Variants in BPHL observed in about 807,000 individuals in gnomAD.
The protein encoded by BPHL is biphenyl hydrolase like.
Under a neutral mutation model 31.2 loss-of-function variants are expected in BPHL, and 27 were observed. The observed-to-expected ratio is 0.87, with a 90% CI of 0.64 to 1.19. BPHL has a LOEUF of 1.19. Among genes scored for constraint, BPHL ranks in the 50% most tolerant of loss-of-function variants. The pLI is 0.00. For synonymous variants in BPHL, 150 were observed against 146.8 expected (o/e 1.02, Z -0.16); for missense variants, 356 against 375.7 (o/e 0.95, Z 0.43).
At position 3,152,462 on chromosome 6, in the gene BPHL, C is replaced by T. The variant is rs761511908; in HGVS notation, c.789-26C>T. 23 of 1,608,620 alleles carry T rather than the reference C, an allele frequency of 1.4e-5. No homozygotes were observed. The East Asian group carries it at 2.7e-4, about 19-fold the overall frequency. ...GTTCTTAAGTGGTGGGCCATTGACC[C>T]AAAGTATTTTTAATTCCTTTTTTAG... On this transcript the variant is annotated intron_variant, in intron 6 of 6. Transcript: ENST00000380379.
chr6:3,118,540 G>A, upstream of BPHL: 3 of 399,134 alleles, frequency 7.5e-6, no homozygotes, highest in East Asian at 1.1e-4. Context: ...TTCCAGGACT[G>A]CGAAACCACG....
At position 3,140,325 on chromosome 6, in the gene BPHL, C is replaced by T; in HGVS notation, c.665-61C>T. The stretch of plus-strand genomic sequence containing the variant: ...AGGGGCAGGGCTCGCCGAGTTTCGC[C>T]TCCTCTGACCGCGTAGAATGGTTGC... On this transcript the variant is annotated intron_variant, in intron 5 of 6. Coordinates refer to ENST00000380379, the MANE Select transcript of BPHL (RefSeq NM_004332.4). The surrounding 1 kb of genome is among the most constrained non-coding windows in gnomAD (Gnocchi z 5.2). 1.3e-6 allele frequency: 2 copies of T among 1,588,044 alleles called. No homozygotes were observed. The highest frequency in any genetic ancestry group is 1.7e-5 in the Admixed American group (1 of 58,038).
intron 4 of BPHL, among the ~76,000 whole-genome samples, chr6:3,133,736 T>C (rs938028307): frequency 1.3e-5 from 2 of 152,230 alleles, no homozygotes; most frequent in African/African-American, 4.8e-5. Flanking sequence ...CGCCACCCCG[T>C]GTCCACTGCC....
chr6:3,146,575 G>T (rs1276137450), intron 6 of BPHL, among the ~76,000 whole-genome samples: 1 of 81,960 alleles, frequency 1.2e-5, no homozygotes, highest in Non-Finnish European at 2.3e-5. Context: ...CTGGTTCGGG[G>T]TGGAGTACTG....
At chr6:3,136,961 G>A (rs1561794947) in intron 4 of BPHL, among the ~76,000 whole-genome samples, 4 of 152,156 alleles carry the variant, frequency 2.6e-5, no homozygotes, top group Admixed American at 1.3e-4. Flanking sequence ...AAACATTGTC[G>A]CTCTTCCTCA....
chr6:3,126,068 C>G (rs1348952390), intron 2 of BPHL, among the ~76,000 whole-genome samples: 3 of 152,184 alleles, frequency 2.0e-5, no homozygotes, highest in Admixed American at 2.0e-4. Context: ...GCCAAGCTCC[C>G]TGCAGGCCCA....
intron 1 of BPHL, chr6:3,119,152 C>A (rs1375571127): frequency 2.4e-6 from 2 of 818,204 alleles, no homozygotes; most frequent in Non-Finnish European, 3.9e-6. Context: ...CAGGGAGATA[C>A]ATTTGCCTGT....
intron 6 of BPHL, among the ~76,000 whole-genome samples, chr6:3,145,969 C>T (rs143749471): frequency 0.03 from 1,406 of 46,470 alleles, 379 homozygotes; most frequent in African/African-American, 0.12. Context: ...TGGTTTGGGT[C>T]GGAGTGCTGG....
chr6:3,137,496 A>G lies in BPHL; in HGVS notation c.664+3A>G, dbSNP rs1189114293. On this transcript the variant is annotated splice_donor_region_variant and intron_variant, in intron 5 of 6. Coordinates refer to ENST00000380379, the MANE Select transcript of BPHL (RefSeq NM_004332.4). Reference sequence around the variant, plus strand: ...ACAGTTTAAACATCTCCCAGATGGTAGGTTACTGGGCTTGAAGGGCTCTCT... The same window carrying G: ...ACAGTTTAAACATCTCCCAGATGGTGGGTTACTGGGCTTGAAGGGCTCTCT... 2 of 1,613,600 alleles carry G rather than the reference A, an allele frequency of 1.2e-6. No individual in the cohort carries two copies. Among genetic ancestry groups the G allele is most frequent in the East Asian group, 2.2e-5 (1 of 44,882 alleles).
At chr6:3,128,704 A>G (rs1451226049) in intron 3 of BPHL, among the ~76,000 whole-genome samples, 1 of 152,232 alleles carries the variant, frequency 6.6e-6, no homozygotes, top group Non-Finnish European at 1.5e-5. Context: ...AGGCATGCAT[A>G]TGCACACACG....
chr6:3,146,196 CGGGGTGGAGTGCTGGTGT>C lies in BPHL; in HGVS notation c.788+5691_788+5708del, dbSNP rs1373476443. 9.2e-4 allele frequency among the ~76,000 whole-genome samples: 23 copies of C among 24,976 alleles called. 2 individuals are homozygous for C. Among genetic ancestry groups the C allele is most frequent in the African/African-American group, 7.3e-3 (21 of 2,870 alleles). 16.4% of individuals were successfully genotyped at this position (24,976 alleles called of 152,430 possible). A position where few individuals can be genotyped will look rare whatever the true frequency, so the allele number is the denominator to read the frequency against. ...GCTGGTTCGGGGTGGAGTGCTGGTT[CGGGGTGGAGTGCTGGTGT>C]GGGTTGGAGTGCTGGTTCTGGTTGG... On this transcript the variant is annotated intron_variant, in intron 6 of 6. Coordinates refer to ENST00000380379, the MANE Select transcript of BPHL (RefSeq NM_004332.4).
At chr6:3,128,369 G>T (rs1343849763) in intron 3 of BPHL, among the ~76,000 whole-genome samples, 1 of 152,206 alleles carries the variant, frequency 6.6e-6, no homozygotes, top group Admixed American at 6.5e-5. Context: ...TAGTGCCACA[G>T]TAGTTACACC....
intron 6 of BPHL, among the ~76,000 whole-genome samples, chr6:3,144,647 C>T (rs1470469884): frequency 1.3e-5 from 2 of 152,204 alleles, no homozygotes; most frequent in African/African-American, 4.8e-5. Context: ...CTGCCTTGGC[C>T]TCCCAAAGTG....
In BPHL at chr6:3,132,324, C is replaced by T. The variant is rs569289341; in HGVS notation, c.532+3126C>T. Among the ~76,000 whole-genome samples the T allele has an allele frequency of 3.3e-5, 5 of 152,254 alleles. No homozygotes were observed. In the East Asian group the frequency reaches 9.6e-4, roughly 29 times the overall value. ...TTCTCTGTCTGGAAGTTCTTGCCAC[C>T]GTGTTCTCCCGACTTCCCTCCTCTC... is the stretch of plus-strand genomic sequence containing the variant. On this transcript the variant is annotated intron_variant, in intron 4 of 6. Coordinates refer to ENST00000380379, the MANE Select transcript of BPHL (RefSeq NM_004332.4).
chr6:3,151,003 A>G (rs1385537432), intron 6 of BPHL, among the ~76,000 whole-genome samples: 1 of 152,178 alleles, frequency 6.6e-6, no homozygotes, highest in Non-Finnish European at 1.5e-5. Context: ...ACAGTGCTGA[A>G]CGGCTAAAAA....
intron 1 of BPHL, among the ~76,000 whole-genome samples, chr6:3,123,407 C>T (rs1241000785): frequency 6.6e-6 from 1 of 152,158 alleles, no homozygotes; most frequent in Admixed American, 6.5e-5. Flanking sequence ...TCGATAGATA[C>T]AAGGTGTAGT....
chr6:3,130,762 G>A (rs185648386), intron 4 of BPHL, among the ~76,000 whole-genome samples: 42 of 152,252 alleles, frequency 2.8e-4, no homozygotes, highest in Admixed American at 2.5e-3. Context: ...TCAGCTATTC[G>A]ACAATTCACG....
chr6:3,139,470 C>G (rs963593041), intron 5 of BPHL: 19 of 152,350 alleles, frequency 1.2e-4, no homozygotes, highest in African/African-American at 3.4e-4. Flanking sequence ...AAGTATTTCC[C>G]TAGTCAGCAG....
chr6:3,123,240 G>C (rs1351924708), intron 1 of BPHL, among the ~76,000 whole-genome samples: 1 of 152,238 alleles, frequency 6.6e-6, no homozygotes, highest in African/African-American at 2.4e-5. Flanking sequence ...ACTGAGAGGC[G>C]TTCTGGAGGC....
Sources: allele counts gnomAD v4.1 joint callset (sites outside exome capture counted in the v4.1 genomes callset), GRCh38; gene constraint gnomAD v4.1.1; non-coding constraint Gnocchi (gnomAD v3.1); transcripts MANE v1.5; gene names NCBI Gene and HGNC (gene_info 2026-07-23, HGNC 2026-07-21).